The following WNK3 variants were observed in gnomAD, a reference collection of about 807,000 sequenced individuals.
The protein encoded by WNK3 is serine/threonine-protein kinase WNK3.
In WNK3, 18 loss-of-function variants were observed where a neutral mutation model predicts 116.7. The observed-to-expected ratio is 0.15, with a 90% CI of 0.11 to 0.23. The LOEUF is 0.23. Ranked by LOEUF, WNK3 falls within the 10% of genes least tolerant of loss-of-function variation. The pLI, the probability that WNK3 is intolerant of heterozygous loss-of-function variation, is 1.00. For synonymous variants in WNK3, 404 were observed against 469.4 expected (o/e 0.86, Z 1.80); for missense variants, 993 against 1,323.8 (o/e 0.75, Z 3.88).
At chrX:54,232,173 C>T (rs1040726177) in intron 21 of WNK3, among the ~76,000 whole-genome samples, 1 of 106,649 alleles carries the variant, frequency 9.4e-6, no homozygotes, top group Non-Finnish European at 1.9e-5. Context: ...TGGAGTTTCG[C>T]ACTTGTCGCC....
intron 10 of WNK3, among the ~76,000 whole-genome samples, chrX:54,284,958 G>A (rs1367235991): frequency 1.9e-5 from 2 of 106,851 alleles, no homozygotes; most frequent in Non-Finnish European, 3.9e-5. Flanking sequence ...CAACAAGAAC[G>A]AACTCCGTCT....
In WNK3 at chrX:54,259,359, A is replaced by G. The variant is rs782814903; in HGVS notation, c.2038-21T>C. 2.1e-5 allele frequency: 22 copies of G among 1,069,797 alleles called. No individual in the cohort carries two copies. In the East Asian group the frequency reaches 6.3e-4, roughly 31 times the overall value. 88.2% of individuals were successfully genotyped at this position (1,069,797 alleles called of 1,213,427 possible). ...ACAGGCTGTAAACAGTACAGACATA[A>G]AACTTGCTATGATAACAGTAAAATT... On this transcript the variant is annotated intron_variant, in intron 10 of 23. Transcript: ENST00000354646.
chrX:54,320,173 TTAA>T (rs1557171852), intron 2 of WNK3, among the ~76,000 whole-genome samples: 1 of 112,315 alleles, frequency 8.9e-6, no homozygotes, highest in Non-Finnish European at 1.9e-5. Context: ...TAACTAAACA[TTAA>T]ATCTATTATA....
intron 2 of WNK3, among the ~76,000 whole-genome samples, chrX:54,326,252 G>A (rs1463294949): frequency 9.1e-6 from 1 of 109,880 alleles, no homozygotes; most frequent in African/African-American, 3.3e-5. Context: ...CACTACACCC[G>A]GCTAATTTTT....
chrX:54,295,957 T>C (rs889981831), intron 7 of WNK3, among the ~76,000 whole-genome samples: 28 of 111,792 alleles, frequency 2.5e-4, no homozygotes, highest in African/African-American at 9.1e-4. Context: ...CCCAAAGTGC[T>C]GGGATAACAG....
intron 2 of WNK3, among the ~76,000 whole-genome samples, chrX:54,312,082 G>A (rs1367122973): frequency 1.8e-5 from 2 of 111,055 alleles, no homozygotes; most frequent in East Asian, 5.6e-4. Context: ...CACTTTGGGA[G>A]GCTGAGGTGG....
chrX:54,340,254 G>A (rs1377141210), intron 1 of WNK3, among the ~76,000 whole-genome samples: 1 of 111,838 alleles, frequency 8.9e-6, no homozygotes, highest in African/African-American at 3.2e-5. Context: ...ACAACCTACA[G>A]GGGAGGAGAA....
rs1324254570 is a variant in WNK3, at chrX:54,248,345, T to G, written c.3651+352A>C. ...TAAATTAAAAACCATAACTTTTTTT[T>G]TTAAAGAAGGAAACGGATAACTGGC... On this transcript the variant is annotated intron_variant, in intron 17 of 23. Transcript: ENST00000354646. Among the ~76,000 whole-genome samples, 3 of 111,938 alleles carry G rather than the reference T, an allele frequency of 2.7e-5. No individual in the cohort carries two copies. The Admixed American group carries it at 2.9e-4, about 11-fold the overall frequency.
At chrX:54,295,920 C>T (rs191013902) in intron 7 of WNK3, among the ~76,000 whole-genome samples, 1 of 111,234 alleles carries the variant, frequency 9.0e-6, no homozygotes, top group Admixed American at 9.6e-5. Flanking sequence ...AACTCCTGGG[C>T]TCAAGCAATC....
chrX:54,294,077 G>A (rs921248336), intron 8 of WNK3, among the ~76,000 whole-genome samples: 11 of 110,615 alleles, frequency 9.9e-5, no homozygotes, highest in African/African-American at 3.6e-4. Flanking sequence ...GCTACTCAGG[G>A]GGCTGAGGTG....
intron 22 of WNK3, among the ~76,000 whole-genome samples, chrX:54,219,800 T>G (rs2067742089): frequency 9.0e-6 from 1 of 111,474 alleles, no homozygotes; most frequent in African/African-American, 3.3e-5. Flanking sequence ...TTGTTATGTT[T>G]TAAGAAAATG....
At chrX:54,245,438 G>A (rs782491781) in intron 17 of WNK3, among the ~76,000 whole-genome samples, 12 of 109,932 alleles carry the variant, frequency 1.1e-4, no homozygotes, top group Non-Finnish European at 2.3e-4. Flanking sequence ...AGTGAGCCAC[G>A]ATCATGCCAC....
chrX:54,289,219 G>A (rs1557164522), intron 10 of WNK3, among the ~76,000 whole-genome samples: 2 of 111,290 alleles, frequency 1.8e-5, no homozygotes, highest in African/African-American at 6.5e-5. Flanking sequence ...AGAATAGGCT[G>A]GCTGTGATCT....
chrX:54,300,498 G>A (rs1193187078), intron 6 of WNK3, among the ~76,000 whole-genome samples: 2 of 111,664 alleles, frequency 1.8e-5, no homozygotes, highest in African/African-American at 6.5e-5. Context: ...CTTGTTTTAT[G>A]TAATTACTAA....
At chrX:54,195,546 G>A (rs1346574190) in exon 24 of WNK3, 2 of 111,624 alleles carry the variant, frequency 1.8e-5, no homozygotes, top group East Asian at 5.6e-4. Flanking sequence ...TACAGTCAAA[G>A]TGACTATAAT....
intron 22 of WNK3, among the ~76,000 whole-genome samples, chrX:54,204,009 AAGATATT>A (rs2067526726): frequency 8.9e-6 from 1 of 111,875 alleles, no homozygotes; most frequent in Non-Finnish European, 1.9e-5. Flanking sequence ...GAAATGGAAG[AAGATATT>A]ACTTAATAAA....
At chrX:54,259,554 G>A (rs782628542) in intron 10 of WNK3, among the ~76,000 whole-genome samples, 6 of 111,609 alleles carry the variant, frequency 5.4e-5, no homozygotes, top group Non-Finnish European at 1.1e-4. Context: ...TATACATGAA[G>A]ATTTTTCATT....
chrX:54,317,674 C>T (rs1219907962), intron 2 of WNK3, among the ~76,000 whole-genome samples: 2 of 107,737 alleles, frequency 1.9e-5, no homozygotes, highest in African/African-American at 3.4e-5. Context: ...CTCTGTCGCC[C>T]AGGCTGGAGT....
At chrX:54,301,362 C>T (rs1212949229) in intron 6 of WNK3, among the ~76,000 whole-genome samples, 1 of 110,134 alleles carries the variant, frequency 9.1e-6, no homozygotes, top group Non-Finnish European at 1.9e-5. Context: ...ATGTGGAATA[C>T]GATTTCTTGA....
Sources: allele counts gnomAD v4.1 joint callset (sites outside exome capture counted in the v4.1 genomes callset), GRCh38; gene constraint gnomAD v4.1.1; transcripts MANE v1.5; gene names NCBI Gene and HGNC (gene_info 2026-07-23, HGNC 2026-07-21).